Variants in AP3B1 observed in about 807,000 individuals in gnomAD.
AP3B1 encodes adaptor related protein complex 3 subunit beta 1, also known as AP-3 complex subunit beta-1.
A neutral mutation model predicts 132.5 loss-of-function variants in AP3B1; 61 were observed. The observed-to-expected ratio is 0.46, with a 90% CI of 0.37 to 0.57. AP3B1 has a LOEUF of 0.57. Among genes scored for constraint, AP3B1 ranks in the 20% least tolerant of loss-of-function variants. AP3B1 has a pLI of 0.00. For synonymous variants in AP3B1, 388 were observed against 438.3 expected (o/e 0.89, Z 1.43); for missense variants, 1,120 against 1,289.4 (o/e 0.87, Z 2.01).
chr5:78,252,919 T>A lies in AP3B1; in HGVS notation c.205-11983A>T, dbSNP rs149558565. Reference sequence around the variant, plus strand: ...CAAGAAGCGGTTACAGCAGGCCTTGTGCAAGACCCAGTCCTGTGCTGGCTT... The same window carrying A: ...CAAGAAGCGGTTACAGCAGGCCTTGAGCAAGACCCAGTCCTGTGCTGGCTT... On this transcript the variant is annotated intron_variant, in intron 2 of 26. Coordinates refer to ENST00000255194, the MANE Select transcript of AP3B1 (RefSeq NM_003664.5). 2.2e-3 allele frequency among the ~76,000 whole-genome samples: 341 copies of A among 152,340 alleles called. 1 individual carries two copies. Among genetic ancestry groups the A allele is most frequent in the African/African-American group, 8.1e-3 (335 of 41,592 alleles).
chr5:78,051,856 G>T (rs1580285077), intron 22 of AP3B1, among the ~76,000 whole-genome samples: 1 of 152,042 alleles, frequency 6.6e-6, no homozygotes, highest in African/African-American at 2.4e-5. Flanking sequence ...TTTAAAATTA[G>T]TACTTTTAAA....
chr5:78,044,903 T>G (rs1019003195), intron 22 of AP3B1, among the ~76,000 whole-genome samples: 1 of 152,174 alleles, frequency 6.6e-6, no homozygotes, highest in Non-Finnish European at 1.5e-5. Flanking sequence ...CTTTCCACAT[T>G]CAACCAAGTT....
chr5:78,084,357 C>T (rs1044976957), intron 22 of AP3B1, among the ~76,000 whole-genome samples: 5 of 151,560 alleles, frequency 3.3e-5, no homozygotes, highest in African/African-American at 1.2e-4. Context: ...TTAGCCATAT[C>T]TACCAACAAA....
intron 11 of AP3B1, among the ~76,000 whole-genome samples, chr5:78,166,220 A>T (rs1743625137): frequency 6.6e-6 from 1 of 151,864 alleles, no homozygotes; most frequent in Admixed American, 6.6e-5. Flanking sequence ...CTTCAGGTCA[A>T]CTTAGTCTAC....
intron 11 of AP3B1, among the ~76,000 whole-genome samples, chr5:78,167,914 T>C (rs1187029672): frequency 1.3e-5 from 2 of 150,726 alleles, no homozygotes; most frequent in South Asian, 4.2e-4. Flanking sequence ...TTGGGTACAG[T>C]GTACACTGCT....
At chr5:78,055,961 AG>A (rs1354275709) in intron 22 of AP3B1, among the ~76,000 whole-genome samples, 1 of 152,202 alleles carries the variant, frequency 6.6e-6, no homozygotes, top group Non-Finnish European at 1.5e-5. Context: ...GCTACATCAC[AG>A]GGGACAACCA....
At chr5:78,015,081 G>A (rs1746800848) in intron 26 of AP3B1, among the ~76,000 whole-genome samples, 1 of 152,018 alleles carries the variant, frequency 6.6e-6, no homozygotes, top group African/African-American at 2.4e-5. Context: ...GTTCTTCCTG[G>A]ACATCTACTG....
At chr5:78,163,893 A>G (rs1052546710) in intron 12 of AP3B1, among the ~76,000 whole-genome samples, 1 of 151,908 alleles carries the variant, frequency 6.6e-6, no homozygotes, top group Admixed American at 6.6e-5. Context: ...AATTTTTAAG[A>G]AAGATTCCCA....
At chr5:78,081,058 A>G (rs1204485758) in intron 22 of AP3B1, among the ~76,000 whole-genome samples, 2 of 152,182 alleles carry the variant, frequency 1.3e-5, no homozygotes, top group Admixed American at 6.5e-5. Context: ...ATAGATGTTG[A>G]TTCAGGGTAC....
At chr5:78,150,304 G>A (rs553161455) in intron 14 of AP3B1, among the ~76,000 whole-genome samples, 59 of 152,302 alleles carry the variant, frequency 3.9e-4, no homozygotes, top group Admixed American at 7.2e-4. Flanking sequence ...CAGAAGCCAT[G>A]AGGAGACTAT....
intron 2 of AP3B1, among the ~76,000 whole-genome samples, chr5:78,266,354 C>A (rs189679526): frequency 6.6e-6 from 1 of 152,214 alleles, no homozygotes; most frequent in Admixed American, 6.5e-5. Flanking sequence ...CTCAAAATTG[C>A]CCCTATACTG....
At chr5:78,223,031 T>G (rs1746253183) in intron 6 of AP3B1, among the ~76,000 whole-genome samples, 2 of 146,702 alleles carry the variant, frequency 1.4e-5, no homozygotes, top group East Asian at 4.0e-4. Flanking sequence ...TTGTTTCTTT[T>G]TTTTTTTTTG....
intron 24 of AP3B1, among the ~76,000 whole-genome samples, chr5:78,031,517 C>T (rs1414260537): frequency 7.2e-5 from 11 of 152,200 alleles, no homozygotes; most frequent in Non-Finnish European, 1.6e-4. Flanking sequence ...CTTTCCCAGG[C>T]AAGTGGCTCA....
At chr5:78,022,011 C>T (rs1747124563) in intron 24 of AP3B1, among the ~76,000 whole-genome samples, 1 of 152,110 alleles carries the variant, frequency 6.6e-6, no homozygotes. Context: ...GGTTAAGAAA[C>T]ACTTGAATTT....
At chr5:78,138,534 T>C (rs910025340) in intron 15 of AP3B1, among the ~76,000 whole-genome samples, 2 of 152,140 alleles carry the variant, frequency 1.3e-5, no homozygotes, top group African/African-American at 4.8e-5. Context: ...TGAGAAATAT[T>C]CAAAAACAGA....
At chr5:78,120,356 T>C (rs1752113709) in intron 17 of AP3B1, among the ~76,000 whole-genome samples, 1 of 152,140 alleles carries the variant, frequency 6.6e-6, no homozygotes, top group Non-Finnish European at 1.5e-5. Flanking sequence ...TAACTTTAAA[T>C]GTAAATGGGC....
At chr5:78,078,401 A>C (rs1749849478) in intron 22 of AP3B1, among the ~76,000 whole-genome samples, 1 of 152,142 alleles carries the variant, frequency 6.6e-6, no homozygotes, top group South Asian at 2.1e-4. Flanking sequence ...CCTGCTCTAA[A>C]ATCTTCAGAA....
intron 22 of AP3B1, among the ~76,000 whole-genome samples, chr5:78,051,513 C>A (rs1449136956): frequency 6.6e-6 from 1 of 151,754 alleles, no homozygotes; most frequent in Non-Finnish European, 1.5e-5. Flanking sequence ...AAATGAGATT[C>A]GAAAAATAAA....
rs185821961 is a variant in AP3B1 at position 78,251,702 on chromosome 5, G to A, written c.205-10766C>T. 5.9e-5 allele frequency among the ~76,000 whole-genome samples: 9 copies of A among 152,218 alleles called. No individual in the cohort carries two copies. In the East Asian group the frequency reaches 1.7e-3, roughly 29 times the overall value. ...CAAACTTGAGTCCCTGGAAAACCTC[G>A]CCACCGAGGGCTACAGCACTGTGTG... On this transcript the variant is annotated intron_variant, in intron 2 of 26. Transcript: ENST00000255194.
Sources: gnomAD v4.1 joint callset for allele counts (sites outside exome capture counted in the v4.1 genomes callset) on GRCh38, gnomAD v4.1.1 for gene constraint, MANE v1.5 for transcripts, NCBI Gene and HGNC (gene_info 2026-07-23, HGNC 2026-07-21) for gene names.